Variants in SLC7A6 observed in about 807,000 individuals in gnomAD.
SLC7A6 encodes the protein Y+L amino acid transporter 2.
A neutral mutation model predicts 46.6 loss-of-function variants in SLC7A6; 29 were observed. That is an observed-to-expected ratio of 0.62 (90% CI 0.46 to 0.85). The LOEUF is 0.85. Ranked by LOEUF, SLC7A6 falls within the 40% of genes least tolerant of loss-of-function variation. The pLI, the probability that SLC7A6 is intolerant of heterozygous loss-of-function variation, is 0.00. For missense variants in SLC7A6, 527 were observed against 647.6 expected (o/e 0.81, Z 2.02); for synonymous variants, 276 against 257.3 (o/e 1.07, Z -0.70).
intron 7 of SLC7A6, 103 bp downstream of exon 7, chr16:68,291,764 T>TGTGTGTGG: frequency 2.5e-6 from 1 of 397,826 alleles, no homozygotes; most frequent in South Asian, 2.9e-5. Context: ...GCATATAGGG[T>TGTGTGTGG]GTGTGTGTGT....
At chr16:68,278,516 T>TA (rs2042760668) in intron 3 of SLC7A6, among the ~76,000 whole-genome samples, 1 of 151,488 alleles carries the variant, frequency 6.6e-6, no homozygotes, top group African/African-American at 2.4e-5. Context: ...TGATGACTCT[T>TA]AACGAGCATG....
At chr16:68,279,830 A>G (rs535990879) in intron 3 of SLC7A6, among the ~76,000 whole-genome samples, 23 of 152,304 alleles carry the variant, frequency 1.5e-4, no homozygotes, top group Non-Finnish European at 3.2e-4. Flanking sequence ...TGAGCCTGTA[A>G]GTGTGGGCCC....
intron 10 of SLC7A6, 118 bp downstream of exon 10, chr16:68,296,928 C>A: frequency 3.0e-6 from 3 of 1,015,770 alleles, no homozygotes; most frequent in Non-Finnish European, 4.3e-6. Context: ...TGTGACCCAG[C>A]TGTCCACGAC....
chr16:68,276,449 G>C (rs1039308413), intron 3 of SLC7A6, among the ~76,000 whole-genome samples: 1 of 152,132 alleles, frequency 6.6e-6, no homozygotes, highest in Non-Finnish European at 1.5e-5. Flanking sequence ...TTTATCCAGT[G>C]TTAAAAATAG....
intron 3 of SLC7A6, among the ~76,000 whole-genome samples, chr16:68,285,642 C>A (rs2042915027): frequency 1.3e-5 from 2 of 152,186 alleles, no homozygotes. Flanking sequence ...TTCATTTTCA[C>A]AGGCTGGCCA....
chr16:68,295,227 T>A (rs555914998), intron 8 of SLC7A6, among the ~76,000 whole-genome samples: 4 of 152,276 alleles, frequency 2.6e-5, no homozygotes, highest in South Asian at 4.2e-4. Flanking sequence ...TCTCCTTAGT[T>A]TAGCTTTATA....
intron 1 of SLC7A6, chr16:68,265,419 T>G (rs1037001632): frequency 6.6e-6 from 1 of 152,188 alleles, no homozygotes. Context: ...TGAGTACCTC[T>G]TGTATGCCCT....
At chr16:68,287,542 C>T (rs1451246881) in intron 3 of SLC7A6, 2 of 1,437,110 alleles carry the variant, frequency 1.4e-6, no homozygotes, top group Non-Finnish European at 1.8e-6. Flanking sequence ...TCCTTGAGCA[C>T]CAGTAGTGAT....
chr16:68,286,602 C>T (rs1358227096), intron 3 of SLC7A6, among the ~76,000 whole-genome samples: 3 of 152,164 alleles, frequency 2.0e-5, no homozygotes, highest in Non-Finnish European at 2.9e-5. Flanking sequence ...GATGTCACTG[C>T]GTTCCTTCCT....
In SLC7A6 at chr16:68,295,241, A is replaced by ACTAT; in HGVS notation, c.1119+443_1119+446dup. On this transcript the variant is annotated intron_variant, in intron 8 of 10. Transcript: ENST00000219343. ...GTCTCCTTAGTTTAGCTTTATACTG[A>ACTAT]CTATCTGAAAACTAAAGAGGGACCA... Among the ~76,000 whole-genome samples, 5 of 152,198 alleles carry ACTAT rather than the reference A, an allele frequency of 3.3e-5. 1 individual carries two copies. In the Middle Eastern group the frequency reaches 0.017, roughly 518 times the overall value.
Position 68,301,550 on chromosome 16 carries a change from T to C in SLC7A6, c.*4222T>C. The stretch of plus-strand genomic sequence containing the variant: ...ATAAATAAAAAAGAATATAGAATTC[T>C]TTTTTTTTTAAAGAAGGAATCACTT... On this transcript the variant is annotated 3_prime_UTR_variant, in exon 11 of 11. Coordinates refer to ENST00000219343, the MANE Select transcript of SLC7A6 (RefSeq NM_003983.6). 2 of 437,756 alleles carry C rather than the reference T, an allele frequency of 4.6e-6. No individual in the cohort carries two copies. Among genetic ancestry groups the C allele is most frequent in the Non-Finnish European group, 7.3e-6 (2 of 274,094 alleles). 27.1% of individuals were successfully genotyped at this position (437,756 alleles called of 1,614,324 possible). A position where few individuals can be genotyped will look rare whatever the true frequency, so the allele number is the denominator to read the frequency against.
chr16:68,297,303 A>G lies in SLC7A6; in HGVS notation c.1523A>G (p.Lys508Arg). ...ACTGAGCTTGATGTAGCCGAAGAAA[A>G]AAAGGATGAGAGGAAAACTGACTAG... ...VLTELDVAEEKKDERKTD is the reference protein window; with the variant it reads ...VLTELDVAEERKDERKTD Residue 508 changes from lysine to arginine, a missense_variant, in exon 11 of 11, where the codon AAA (lysine) becomes AGA (arginine). Coordinates refer to ENST00000219343, the MANE Select transcript of SLC7A6 (RefSeq NM_003983.6). 1 of 1,614,176 alleles carries G rather than the reference A, an allele frequency of 6.2e-7. No homozygotes were observed. The highest frequency in any genetic ancestry group is 1.7e-4 in the Middle Eastern group (1 of 6,060).
At chr16:68,268,559 G>A (rs561643610) in intron 2 of SLC7A6, among the ~76,000 whole-genome samples, 1 of 151,894 alleles carries the variant, frequency 6.6e-6, no homozygotes, top group Non-Finnish European at 1.5e-5. Context: ...CTTTCATCCC[G>A]TTTTCTGATG....
In SLC7A6 at chr16:68,296,398, A is replaced by G. The variant is rs780244051; in HGVS notation, c.1154A>G (p.Asp385Gly). 2.5e-5 allele frequency: 41 copies of G among 1,613,810 alleles called. No individual in the cohort carries two copies. The highest frequency in any genetic ancestry group is 3.2e-5 in the Non-Finnish European group (38 of 1,180,002). ...GCACTCATCTACCTCATCGTGGAGGATGTTTTCCAGCTTATCAACTACTTC... is the reference window on the plus strand; with the variant it reads ...GCACTCATCTACCTCATCGTGGAGGGTGTTTTCCAGCTTATCAACTACTTC... ...TMALIYLIVEDVFQLINYFSF... is the reference protein window; with the variant it reads ...TMALIYLIVEGVFQLINYFSF... Residue 385 changes from aspartate (D) to glycine (G), a missense_variant, in exon 9 of 11, where the codon GAT becomes GGT. By Grantham distance (94) the Asp-to-Gly change is moderately conservative. Transcript: ENST00000219343.
At chr16:68,280,087 T>C (rs779982970) in intron 3 of SLC7A6, among the ~76,000 whole-genome samples, 2 of 152,236 alleles carry the variant, frequency 1.3e-5, no homozygotes, top group Non-Finnish European at 2.9e-5. Context: ...AGCTAGGATA[T>C]GCTGAGTCTC....
chr16:68,297,236 G>A lies in SLC7A6; in HGVS notation c.1456G>A (p.Ala486Thr). Residue 486 changes from alanine (A) to threonine (T), a missense_variant and splice_region_variant, in exon 11 of 11, where the codon GCT (alanine) becomes ACT (threonine). By Grantham distance (58) the Ala-to-Thr change is moderately conservative. Coordinates refer to ENST00000219343, the MANE Select transcript of SLC7A6 (RefSeq NM_003983.6). ...GTGCTTGCTCTATTTTCATTTAGCT[G>A]CTATCACCAGAGGCACCCAGCAGCT... ...RPLFIRNVLA[A>T]ITRGTQQLCF... 6.2e-7 allele frequency: 1 copy of A among 1,613,780 alleles called. No homozygotes were observed. Among genetic ancestry groups the A allele is most frequent in the Non-Finnish European group, 8.5e-7 (1 of 1,179,850 alleles).
At chr16:68,267,585 A>G (rs1192415057) in intron 2 of SLC7A6, among the ~76,000 whole-genome samples, 1 of 152,118 alleles carries the variant, frequency 6.6e-6, no homozygotes, top group African/African-American at 2.4e-5. Flanking sequence ...ATTCAACCAG[A>G]GGGGGGAATA....
intron 3 of SLC7A6, among the ~76,000 whole-genome samples, chr16:68,286,405 AG>A (rs1172439148): frequency 6.6e-6 from 1 of 152,056 alleles, no homozygotes; most frequent in Non-Finnish European, 1.5e-5. Flanking sequence ...CAGGAAGAGG[AG>A]GGGAGGACAT....
intron 3 of SLC7A6, among the ~76,000 whole-genome samples, chr16:68,286,437 G>A (rs139145721): frequency 3.7e-4 from 56 of 152,236 alleles, no homozygotes; most frequent in African/African-American, 1.3e-3. Context: ...GTGTGTGTAC[G>A]GTACGAGTAA....
Sources: allele counts gnomAD v4.1 joint callset (sites outside exome capture counted in the v4.1 genomes callset), GRCh38; gene constraint gnomAD v4.1.1; transcripts MANE v1.5; gene names NCBI Gene and HGNC (gene_info 2026-07-23, HGNC 2026-07-21).